Variants in RORA observed in about 807,000 individuals in gnomAD.
RORA encodes the protein RAR related orphan receptor A, also known as nuclear receptor ROR-alpha.
A neutral mutation model predicts 69.5 loss-of-function variants in RORA; 7 were observed. The observed-to-expected ratio is 0.10, with a 90% CI of 0.06 to 0.19. The LOEUF (loss-of-function observed/expected upper bound fraction) is 0.19. RORA is among the 10% of genes least tolerant of loss of function. The pLI is 1.00. For synonymous variants in RORA, 261 were observed against 240.8 expected (o/e 1.08, Z -0.78); for missense variants, 457 against 663.0 (o/e 0.69, Z 3.41).
At position 60,489,813 on chromosome 15, in the gene RORA, A is replaced by G. The variant is rs2141214901; in HGVS notation, c.*7642T>C. The G allele has an allele frequency of 6.6e-6, 1 of 152,302 alleles. No homozygotes were observed. The highest frequency in any genetic ancestry group is 1.9e-4 in the East Asian group (1 of 5,186). 9.4% of individuals were successfully genotyped at this position (152,302 alleles called of 1,614,324 possible). ...ATCTATAATAGGAGCTAAGAATACA[A>G]CTGTGTTAGGTGCCAGTAATACAAT... is the stretch of plus-strand genomic sequence containing the variant. On this transcript the variant is annotated 3_prime_UTR_variant, in exon 11 of 11. Coordinates refer to ENST00000335670, the MANE Select transcript of RORA (RefSeq NM_134261.3).
intron 1 of RORA, chr15:60,765,026 A>G (rs2279295): frequency 0.35 from 52,451 of 151,876 alleles, 10,819 homozygotes; most frequent in Non-Finnish European, 0.45. Flanking sequence ...CTTCATTGCT[A>G]TTGAATCGGG....
intron 1 of RORA, among the ~76,000 whole-genome samples, chr15:60,733,006 C>T (rs1351466039): frequency 1.3e-5 from 2 of 152,186 alleles, no homozygotes; most frequent in Non-Finnish European, 2.9e-5. Flanking sequence ...GCCTTGGGGA[C>T]CGTGTGGAAA....
chr15:60,594,127 T>C (rs1275446704), intron 2 of RORA, among the ~76,000 whole-genome samples: 3 of 152,164 alleles, frequency 2.0e-5, no homozygotes, highest in Non-Finnish European at 4.4e-5. Flanking sequence ...GAAAAGAAAT[T>C]ATAAAAATGT....
chr15:61,149,222 C>T (rs975501), intron 1 of RORA, among the ~76,000 whole-genome samples: 81,350 of 151,992 alleles, frequency 0.54, 22,330 homozygotes, highest in Non-Finnish European at 0.59. Flanking sequence ...TGTGATTGTT[C>T]GTGTTACTGA....
At chr15:60,557,257 A>G (rs2067393062) in intron 2 of RORA, among the ~76,000 whole-genome samples, 1 of 152,184 alleles carries the variant, frequency 6.6e-6, no homozygotes, top group South Asian at 2.1e-4. Flanking sequence ...CCTAAAATTA[A>G]CCCACTGTCT....
chr15:60,906,607 G>T (rs1402048557), intron 1 of RORA, among the ~76,000 whole-genome samples: 2 of 152,106 alleles, frequency 1.3e-5, no homozygotes, highest in African/African-American at 4.8e-5. Flanking sequence ...CTCTTTGGCC[G>T]TGTCAGAAAT....
chr15:61,139,588 C>T (rs11630018), intron 1 of RORA, among the ~76,000 whole-genome samples: 11,944 of 152,280 alleles, frequency 0.078, 645 homozygotes, highest in East Asian at 0.22. Flanking sequence ...AACAGTACTT[C>T]TGTGGCTTTA....
At position 60,592,427 on chromosome 15, in the gene RORA, G is replaced by A. The variant is rs1389870969; in HGVS notation, c.197-60576C>T. The A allele has an allele frequency of 3.6e-5, 51 of 1,429,800 alleles. No homozygotes were observed. The East Asian group carries it at 3.8e-4, about 11-fold the overall frequency. 88.6% of individuals were successfully genotyped at this position (1,429,800 alleles called of 1,614,324 possible). On this transcript the variant is annotated intron_variant, in intron 2 of 10. Coordinates refer to ENST00000335670, the MANE Select transcript of RORA (RefSeq NM_134261.3). ...TCACAAAATACATCATTTAAGCCGCGGTGCGGAGAGCGCAGGGAGAGCGGA... is the reference window on the plus strand; with the variant it reads ...TCACAAAATACATCATTTAAGCCGCAGTGCGGAGAGCGCAGGGAGAGCGGA...
chr15:61,018,116 T>C (rs1444907186), intron 1 of RORA, among the ~76,000 whole-genome samples: 3 of 152,218 alleles, frequency 2.0e-5, no homozygotes, highest in Non-Finnish European at 4.4e-5. Context: ...TGTGATACTT[T>C]GTTAGCCCCT....
At chr15:61,192,134 C>T (rs72739591) in intron 1 of RORA, among the ~76,000 whole-genome samples, 3,279 of 152,324 alleles carry the variant, frequency 0.022, 48 homozygotes, top group Non-Finnish European at 0.033. Context: ...TAAGTGCCAA[C>T]CTGCAGTTTC....
Position 60,678,636 on chromosome 15 carries a change from GAA to G in RORA, c.196+19_196+20del. On this transcript the variant is annotated intron_variant, in intron 2 of 10. Coordinates refer to ENST00000335670, the MANE Select transcript of RORA (RefSeq NM_134261.3). The stretch of plus-strand genomic sequence containing the variant: ...CCAACTCTTCAGAAAACTTTGGACA[GAA>G]AAAAAATGCATTACTTACATGTATG... 6.3e-7 allele frequency: 1 copy of G among 1,596,446 alleles called. No individual in the cohort carries two copies. Among genetic ancestry groups the G allele is most frequent in the Non-Finnish European group, 8.6e-7 (1 of 1,164,462 alleles).
chr15:60,510,629 G>T (rs1196701365), intron 5 of RORA: 1 of 152,528 alleles, frequency 6.6e-6, no homozygotes, highest in Non-Finnish European at 1.5e-5. Flanking sequence ...GATATAAATG[G>T]CGGGAGTCAG....
intron 1 of RORA, among the ~76,000 whole-genome samples, chr15:61,167,339 G>T (rs1353458384): frequency 1.3e-5 from 2 of 152,036 alleles, no homozygotes; most frequent in Non-Finnish European, 2.9e-5. Context: ...TTCTTTGTCT[G>T]CTAGGTTTGA....
intron 1 of RORA, among the ~76,000 whole-genome samples, chr15:61,060,834 T>G (rs957938950): frequency 6.6e-6 from 1 of 151,908 alleles, no homozygotes; most frequent in Non-Finnish European, 1.5e-5. Flanking sequence ...CTATAGCTGA[T>G]GAGCCAAAAA....
chr15:60,972,529 G>A (rs944233441), intron 1 of RORA, among the ~76,000 whole-genome samples: 5 of 152,116 alleles, frequency 3.3e-5, no homozygotes, highest in Non-Finnish European at 5.9e-5. Flanking sequence ...CTGAGTGTTC[G>A]TTATGAGTAT....
intron 1 of RORA, among the ~76,000 whole-genome samples, chr15:60,762,560 C>T (rs761424443): frequency 7.9e-5 from 12 of 152,098 alleles, no homozygotes; most frequent in Non-Finnish European, 1.0e-4. Flanking sequence ...CACACACCCA[C>T]GCACACACAC....
At chr15:60,757,478 G>A (rs1567180173) in intron 1 of RORA, among the ~76,000 whole-genome samples, 1 of 152,148 alleles carries the variant, frequency 6.6e-6, no homozygotes. Flanking sequence ...TGCACTAGCT[G>A]TTCTTCTGCC....
chr15:60,737,563 A>G (rs1567173936), intron 1 of RORA, among the ~76,000 whole-genome samples: 1 of 152,234 alleles, frequency 6.6e-6, no homozygotes. Flanking sequence ...GTTTTTAACA[A>G]GTCCTCCAAG....
intron 1 of RORA, among the ~76,000 whole-genome samples, chr15:61,037,293 C>G (rs762542705): frequency 6.6e-6 from 1 of 152,154 alleles, no homozygotes; most frequent in Non-Finnish European, 1.5e-5. Flanking sequence ...AGCTAATGAG[C>G]CAAATTTGGG....
Sources: allele counts gnomAD v4.1 joint callset (sites outside exome capture counted in the v4.1 genomes callset), GRCh38; gene constraint gnomAD v4.1.1; transcripts MANE v1.5; gene names NCBI Gene and HGNC (gene_info 2026-07-23, HGNC 2026-07-21).